STXBP5L: variants seen among roughly 807,000 people sequenced by gnomAD.
STXBP5L encodes the protein syntaxin binding protein 5L.
A neutral mutation model predicts 144.5 loss-of-function variants in STXBP5L; 65 were observed. That is an observed-to-expected ratio of 0.45 (90% CI 0.37 to 0.55). STXBP5L has a LOEUF of 0.55. Among genes scored for constraint, STXBP5L ranks in the 20% least tolerant of loss-of-function variants. The probability of loss-of-function intolerance (pLI) is 0.00; values close to 1 mark genes in which losing one functional copy is unlikely to be tolerated. For synonymous variants in STXBP5L, 505 were observed against 469.6 expected, an observed-to-expected ratio of 1.08 and a Z score of -0.97; for missense variants, 1,298 against 1,405.5, an observed-to-expected ratio of 0.92 and a Z score of 1.22.
intron 5 of STXBP5L, among the ~76,000 whole-genome samples, chr3:121,093,769 C>T (rs2042957905): frequency 6.6e-6 from 1 of 152,116 alleles, no homozygotes; most frequent in African/African-American, 2.4e-5. Context: ...GTCTCTATTT[C>T]CTTAAGTTCT....
intron 19 of STXBP5L, among the ~76,000 whole-genome samples, chr3:121,310,562 CCGAAATCGTGCCACTGCACTCCAGCCT>C (rs1188648003): frequency 1.3e-5 from 2 of 151,468 alleles, no homozygotes; most frequent in African/African-American, 2.4e-5. Context: ...TTGTAGTGAG[CCGAAATCGTGCCACTGCACTCCAGCCT>C]GGGTGACAGA....
chr3:121,394,761 C>T (rs574771214), intron 22 of STXBP5L, among the ~76,000 whole-genome samples: 7 of 152,012 alleles, frequency 4.6e-5, no homozygotes, highest in South Asian at 2.1e-4. Flanking sequence ...CCCGCCACCA[C>T]GCCTGGCTAA....
intron 5 of STXBP5L, among the ~76,000 whole-genome samples, chr3:121,065,431 A>G (rs1357453077): frequency 2.0e-5 from 3 of 152,196 alleles, no homozygotes; most frequent in African/African-American, 7.2e-5. Flanking sequence ...TTGTTACCAT[A>G]TTACACTAGT....
At position 121,420,947 on chromosome 3, in the gene STXBP5L, C is replaced by T. The variant is rs2047341883; in HGVS notation, c.*1850C>T. 6.6e-6 allele frequency: 1 copy of T among 152,096 alleles called. No individual in the cohort carries two copies. Among genetic ancestry groups the T allele is most frequent in the Admixed American group, 6.6e-5 (1 of 15,254 alleles). The allele number at this position is 152,096 out of a possible 1,614,324, so 9.4% of individuals were successfully genotyped here. ...TAGCATTTCTCAGAGTCCTTGAATC[C>T]TCTTGTTAAGAAAGCCTCTCTGAAT... On this transcript the variant is annotated 3_prime_UTR_variant, in exon 27 of 27. Transcript: ENST00000471454.
chr3:120,974,929 T>C (rs1940766856), intron 3 of STXBP5L, among the ~76,000 whole-genome samples: 1 of 152,214 alleles, frequency 6.6e-6, no homozygotes, highest in African/African-American at 2.4e-5. Context: ...AGTACCATGC[T>C]GTTTTGGTTA....
intron 3 of STXBP5L, among the ~76,000 whole-genome samples, chr3:120,989,813 C>G (rs1036300760): frequency 6.6e-6 from 1 of 151,914 alleles, no homozygotes; most frequent in African/African-American, 2.4e-5. Context: ...TCTCTAAAAT[C>G]TACTCTACCT....
chr3:121,221,103 T>G (rs879627030), intron 10 of STXBP5L, among the ~76,000 whole-genome samples: 13 of 151,942 alleles, frequency 8.6e-5, no homozygotes, highest in Admixed American at 6.6e-5. Flanking sequence ...ACATTGCTTA[T>G]GAGGATTAAA....
chr3:121,371,280 C>G (rs979787171), intron 20 of STXBP5L, among the ~76,000 whole-genome samples: 3 of 152,208 alleles, frequency 2.0e-5, no homozygotes, highest in East Asian at 3.9e-4. Flanking sequence ...TTTTGGGGAC[C>G]AAGGCTCAGC....
intron 9 of STXBP5L, among the ~76,000 whole-genome samples, chr3:121,187,554 A>G (rs1368868381): frequency 1.3e-5 from 2 of 151,528 alleles, no homozygotes; most frequent in African/African-American, 2.4e-5. Flanking sequence ...AACTTAAAAT[A>G]TAATAAAAAT....
At chr3:121,214,645 A>T (rs2048707088) in intron 10 of STXBP5L, among the ~76,000 whole-genome samples, 1 of 152,182 alleles carries the variant, frequency 6.6e-6, no homozygotes, top group Non-Finnish European at 1.5e-5. Context: ...ATTTTAGAAT[A>T]AGTTCATTGT....
intron 25 of STXBP5L, 115 bp downstream of exon 25, chr3:121,416,083 T>A: frequency 1.4e-6 from 1 of 735,132 alleles, no homozygotes; most frequent in Non-Finnish European, 2.2e-6. Context: ...GACTACGTAT[T>A]TTTTGCATCT....
chr3:121,218,531 GA>G (rs2048875106), intron 10 of STXBP5L, among the ~76,000 whole-genome samples: 1 of 151,452 alleles, frequency 6.6e-6, no homozygotes, highest in Non-Finnish European at 1.5e-5. Flanking sequence ...ATACAACATG[GA>G]AGTTACTTTT....
chr3:121,347,466 T>C (rs530697827), intron 20 of STXBP5L, among the ~76,000 whole-genome samples: 1 of 152,210 alleles, frequency 6.6e-6, no homozygotes, highest in Non-Finnish European at 1.5e-5. Flanking sequence ...ATATGAACTT[T>C]AAAGTAGTTT....
intron 2 of STXBP5L, among the ~76,000 whole-genome samples, chr3:120,923,970 G>T (rs1157802893): frequency 6.6e-6 from 1 of 151,974 alleles, no homozygotes; most frequent in Admixed American, 6.6e-5. Flanking sequence ...AGGAACAGAA[G>T]GAATGCAACA....
intron 20 of STXBP5L, among the ~76,000 whole-genome samples, chr3:121,337,216 A>G (rs939517952): frequency 1.3e-5 from 2 of 152,146 alleles, no homozygotes; most frequent in Non-Finnish European, 1.5e-5. Context: ...TACTTATATA[A>G]CAAATCAGCA....
intron 20 of STXBP5L, among the ~76,000 whole-genome samples, chr3:121,356,817 T>C (rs949776279): frequency 6.6e-6 from 1 of 152,152 alleles, no homozygotes; most frequent in Non-Finnish European, 1.5e-5. Flanking sequence ...TATTTGGCCA[T>C]CTTGGAACCT....
chr3:121,141,425 T>G (rs987643464), intron 7 of STXBP5L, among the ~76,000 whole-genome samples: 19 of 151,922 alleles, frequency 1.3e-4, no homozygotes, highest in Non-Finnish European at 2.8e-4. Flanking sequence ...TGTGTAAAAC[T>G]TATTGCTAAG....
rs114000872 is a variant in STXBP5L, at chr3:121,395,328, A to G, written c.2588-11915A>G. 8.3e-3 allele frequency among the ~76,000 whole-genome samples: 1,272 copies of G among 152,354 alleles called. 15 individuals are homozygous for G. The highest frequency in any genetic ancestry group is 0.029 in the African/African-American group (1,206 of 41,576). ...GAAGAAATAATCTTGGACTGTGGAA[A>G]TATAAATTCAAAATGATGAAAATTT... On this transcript the variant is annotated intron_variant, in intron 22 of 26. Coordinates refer to ENST00000471454, the MANE Select transcript of STXBP5L (RefSeq NM_001308330.2).
chr3:121,388,183 A>G (rs1403905519), intron 22 of STXBP5L, among the ~76,000 whole-genome samples: 1 of 148,756 alleles, frequency 6.7e-6, no homozygotes, highest in Non-Finnish European at 1.5e-5. Context: ...TTCACTCATG[A>G]TTTGGCTCTC....
Sources: allele counts gnomAD v4.1 joint callset (sites outside exome capture counted in the v4.1 genomes callset), GRCh38; gene constraint gnomAD v4.1.1; transcripts MANE v1.5; gene names NCBI Gene and HGNC (gene_info 2026-07-23, HGNC 2026-07-21).